KLF16: variants seen among roughly 807,000 people sequenced by gnomAD.
The protein encoded by KLF16 is KLF transcription factor 16.
Under a neutral mutation model 6.1 loss-of-function variants are expected in KLF16, and 6 were observed. The ratio of observed to expected loss-of-function variants is 0.98; its 90% confidence interval spans 0.54 to 1.93. The LOEUF is 1.93. Among genes scored for constraint, KLF16 ranks in the 30% most tolerant of loss-of-function variants. The probability of loss-of-function intolerance (pLI) is 0.01; values close to 1 mark genes in which losing one functional copy is unlikely to be tolerated. For synonymous variants in KLF16, 211 were observed against 176.5 expected, an observed-to-expected ratio of 1.20 and a Z score of -1.55; for missense variants, 355 against 363.8, an observed-to-expected ratio of 0.98 and a Z score of 0.20.
intron 1 of KLF16, 138 bp from the exon 2 acceptor site, chr19:1,854,898 C>T (rs2011916700): frequency 1.1e-6 from 1 of 877,104 alleles, no homozygotes. Flanking sequence ...GAGTTCAAAA[C>T]ATGGAGAAGC....
the KLF16 span, among the ~76,000 whole-genome samples, chr19:1,873,775 AAGAGC>A: frequency 6.6e-6 from 1 of 152,238 alleles, no homozygotes; most frequent in Non-Finnish European, 1.5e-5. Context: ...CCCGGGTCCC[AAGAGC>A]AGGGGGTGGT....
the KLF16 span, among the ~76,000 whole-genome samples, chr19:1,869,102 G>A: frequency 3.3e-5 from 5 of 152,198 alleles, no homozygotes; most frequent in Non-Finnish European, 7.3e-5. Context: ...GCCGGGCCAG[G>A]AAAGGAAAAG....
rs1255597157 is a variant in KLF16, at chr19:1,853,546, T to C, written c.*913A>G. On this transcript the variant is annotated 3_prime_UTR_variant, in exon 2 of 2. Transcript: ENST00000250916. ...CGCAGCCCAACAGCCGCAGTCGTCGTTAAGGGAGAGTTGATTGTCACGTGA... is the reference window on the plus strand; with the variant it reads ...CGCAGCCCAACAGCCGCAGTCGTCGCTAAGGGAGAGTTGATTGTCACGTGA... 1 of 152,382 alleles carries C rather than the reference T, an allele frequency of 6.6e-6. No homozygotes were observed. Among genetic ancestry groups the C allele is most frequent in the Non-Finnish European group, 1.5e-5 (1 of 68,086 alleles). 9.4% of individuals were successfully genotyped at this position (152,382 alleles called of 1,614,324 possible).
chr19:1,861,930 G>A (rs1349934275), intron 1 of KLF16: 1 of 152,198 alleles, frequency 6.6e-6, no homozygotes, highest in Non-Finnish European at 1.5e-5. Flanking sequence ...AAGCCTCCTT[G>A]GAGTGTCCAG....
chr19:1,853,394 A>C lies in KLF16; in HGVS notation c.*1065T>G, dbSNP rs1471876636. ...CACGGGCCAGGACCCACCTCTTCCA[A>C]GCACCCAGGAGAAGGAGGGGAGGCC... On this transcript the variant is annotated 3_prime_UTR_variant, in exon 2 of 2. Transcript: ENST00000250916. 1 of 152,332 alleles carries C rather than the reference A, an allele frequency of 6.6e-6. No individual in the cohort carries two copies. The highest frequency in any genetic ancestry group is 1.9e-4 in the East Asian group (1 of 5,184). The allele number at this position is 152,332 out of a possible 1,614,324, so 9.4% of individuals were successfully genotyped here. A position where few individuals can be genotyped will look rare whatever the true frequency, so the allele number is the denominator to read the frequency against.
At chr19:1,858,933 G>A (rs372777687) in intron 1 of KLF16, among the ~76,000 whole-genome samples, 1 of 152,030 alleles carries the variant, frequency 6.6e-6, no homozygotes, top group Non-Finnish European at 1.5e-5. Context: ...CAGAGAGCCT[G>A]GGTGGGGGTG....
the KLF16 span, among the ~76,000 whole-genome samples, chr19:1,871,561 A>G: frequency 4.6e-5 from 7 of 152,090 alleles, no homozygotes; most frequent in African/African-American, 1.7e-4. Flanking sequence ...GCATTATGTG[A>G]CCAAAACGCC....
Position 1,863,478 on chromosome 19 carries a change from C to T in KLF16, c.20G>A (p.Cys7Tyr), listed in dbSNP as rs1219843438. The T allele has an allele frequency of 1.9e-6, 2 of 1,032,446 alleles. No individual in the cohort carries two copies. The highest frequency in any genetic ancestry group is 1.0e-4 in the East Asian group (1 of 9,668). 64.0% of individuals were successfully genotyped at this position (1,032,446 alleles called of 1,614,324 possible). Residue 7 changes from cysteine to tyrosine, a missense_variant, in exon 1 of 2, where the codon TGC becomes TAC. Transcript: ENST00000250916. ...CACGTCGGCGGCGAAGTAATCCACG[C>T]ACGCCACGGCCGCCGACATGCCGAG... MSAAVA[C>Y]VDYFAADVLM...
chr19:1,862,257 C>T (rs903978806), intron 1 of KLF16, among the ~76,000 whole-genome samples: 1 of 152,224 alleles, frequency 6.6e-6, no homozygotes, highest in Non-Finnish European at 1.5e-5. Flanking sequence ...CACCAGGCTC[C>T]CGGTTCCCCT....
Position 1,857,456 on chromosome 19 carries a change from C to T in KLF16, c.458-2696G>A, listed in dbSNP as rs955665315. On this transcript the variant is annotated intron_variant, in intron 1 of 1. Coordinates refer to ENST00000250916, the MANE Select transcript of KLF16 (RefSeq NM_031918.4). This position sits in a 1 kb window ranked among gnomAD's most constrained non-coding sequence, Gnocchi z 4.7. ...TGGGCGGGGCCGCGGTGGACTTGACCCTCTGACTCAGGCTGGGCCCGGGTG... is the reference window on the plus strand; with the variant it reads ...TGGGCGGGGCCGCGGTGGACTTGACTCTCTGACTCAGGCTGGGCCCGGGTG... Among the ~76,000 whole-genome samples the T allele has an allele frequency of 1.2e-4, 19 of 152,294 alleles. No homozygotes were observed. The highest frequency in any genetic ancestry group is 4.1e-4 in the African/African-American group (17 of 41,564).
intron 1 of KLF16, among the ~76,000 whole-genome samples, chr19:1,856,173 A>AG (rs2011945517): frequency 6.6e-6 from 1 of 151,992 alleles, no homozygotes; most frequent in African/African-American, 2.4e-5. Flanking sequence ...GACCATGGTG[A>AG]GGGGTACAGA....
chr19:1,863,366 G>A lies in KLF16; in HGVS notation c.132C>T (p.Arg44=). 1 of 980,100 alleles carries A rather than the reference G, an allele frequency of 1.0e-6. No homozygotes were observed. The allele number at this position is 980,100 out of a possible 1,614,324, so 60.7% of individuals were successfully genotyped here. The change falls in exon 1 of 2, where the codon CGC becomes CGT. Residue 44 remains arginine (R), a synonymous_variant. Transcript: ENST00000250916. ...GTGAGGCGGCCTCGCGGCGCGCCGCGCGCACATCCAGGCCGGCGGCGGGGC... is the reference window on the plus strand; with the variant it reads ...GTGAGGCGGCCTCGCGGCGCGCCGCACGCACATCCAGGCCGGCGGCGGGGC... ...GAGPAAGLDV[R]AARREAASPG...
Position 1,863,218 on chromosome 19 carries a change from C to G in KLF16, c.280G>C (p.Ala94Pro). Residue 94 changes from alanine to proline, a missense_variant, in exon 1 of 2, where the codon GCC becomes CCC. Ala to Pro is a conservative substitution (Grantham distance 27). Coordinates refer to ENST00000250916, the MANE Select transcript of KLF16 (RefSeq NM_031918.4). ...LADLRGGPGA[A>P]PGGASPASSS... ...GAGGCGGGCGAGGCGCCCCCCGGGG[C>G]GGCTCCGGGTCCGCCGCGCAGGTCG... 1 of 1,120,868 alleles carries G rather than the reference C, an allele frequency of 8.9e-7. No individual in the cohort carries two copies. Among genetic ancestry groups the G allele is most frequent in the Non-Finnish European group, 1.1e-6 (1 of 913,302 alleles). 69.4% of individuals were successfully genotyped at this position (1,120,868 alleles called of 1,614,324 possible). A position where few individuals can be genotyped will look rare whatever the true frequency, so the allele number is the denominator to read the frequency against.
At chr19:1,858,676 C>G (rs1046611752) in intron 1 of KLF16, among the ~76,000 whole-genome samples, 1 of 152,050 alleles carries the variant, frequency 6.6e-6, no homozygotes, top group African/African-American at 2.4e-5. Context: ...CTCCCCACCC[C>G]GCCGCCAAAC....
the KLF16 span, among the ~76,000 whole-genome samples, chr19:1,872,703 C>T: frequency 2.0e-5 from 3 of 151,782 alleles, no homozygotes; most frequent in Non-Finnish European, 1.5e-5. Context: ...CCTGTGCTGT[C>T]GTGGCTGGGA....
At position 1,863,084 on chromosome 19, in the gene KLF16, G is replaced by A. The variant is rs1233082593; in HGVS notation, c.414C>T (p.Tyr138=). 2 of 1,415,356 alleles carry A rather than the reference G, an allele frequency of 1.4e-6. No homozygotes were observed. The highest frequency in any genetic ancestry group is 1.9e-6 in the Non-Finnish European group (2 of 1,067,056). 87.7% of individuals were successfully genotyped at this position (1,415,356 alleles called of 1,614,324 possible). A position where few individuals can be genotyped will look rare whatever the true frequency, so the allele number is the denominator to read the frequency against. The change falls in exon 1 of 2, where the codon TAC becomes TAT. Residue 138 remains tyrosine, a synonymous_variant. Coordinates refer to ENST00000250916, the MANE Select transcript of KLF16 (RefSeq NM_031918.4). ...RCPFPDCAKA[Y]YKSSHLKSHL... is the part of the protein sequence containing the mutation. ...GCGACTTTAGGTGCGAGGACTTGTA[G>A]TAGGCTTTGGCGCAGTCCGGGAAGG...
upstream of KLF16, among the ~76,000 whole-genome samples, chr19:1,868,304 G>A (rs372055225): frequency 2.6e-4 from 40 of 152,154 alleles, no homozygotes; most frequent in African/African-American, 9.4e-4. Flanking sequence ...GACCCCACCT[G>A]CACCAGGGGG....
chr19:1,863,019 C>T (rs2012101697), intron 1 of KLF16, 22 bp downstream of exon 1: 2 of 1,293,724 alleles, frequency 1.5e-6, no homozygotes, highest in Non-Finnish European at 2.0e-6. Context: ...CCCGCAAGGG[C>T]CGGGATCGCG....
At chr19:1,870,458 G>A in the KLF16 span, among the ~76,000 whole-genome samples, 3 of 151,986 alleles carry the variant, frequency 2.0e-5, no homozygotes, top group Non-Finnish European at 4.4e-5. Context: ...AATCGCTTAA[G>A]GCCAGGAGTT....
Sources: allele counts gnomAD v4.1 joint callset (sites outside exome capture counted in the v4.1 genomes callset), GRCh38; gene constraint gnomAD v4.1.1; non-coding constraint Gnocchi (gnomAD v3.1); transcripts MANE v1.5; gene names NCBI Gene and HGNC (gene_info 2026-07-23, HGNC 2026-07-21).